Variants in GRM7 observed in about 807,000 individuals in gnomAD.
GRM7 encodes glutamate metabotropic receptor 7.
GRM7 carries 35 observed loss-of-function variants against 84.5 expected under a neutral mutation model. The observed-to-expected ratio is 0.41, with a 90% confidence interval of 0.32 to 0.55. The LOEUF is 0.55. Ranked by LOEUF, GRM7 falls within the 20% of genes least tolerant of loss-of-function variation. GRM7 has a pLI of 0.19. For missense variants in GRM7, 1,003 were observed against 1,194.6 expected (o/e 0.84, Z 2.36); for synonymous variants, 487 against 455.1 (o/e 1.07, Z -0.89).
chr3:7,468,011 A>G (rs1042154021), intron 7 of GRM7, among the ~76,000 whole-genome samples: 1 of 152,210 alleles, frequency 6.6e-6, no homozygotes, highest in Non-Finnish European at 1.5e-5. Context: ...CACCTAAGAC[A>G]TAAGAAAAGC....
chr3:7,565,804 G>T (rs1019943353), intron 7 of GRM7, among the ~76,000 whole-genome samples: 5 of 152,176 alleles, frequency 3.3e-5, no homozygotes, highest in African/African-American at 1.2e-4. Context: ...GCTGAAGAGG[G>T]TTTGGTAGCA....
intron 4 of GRM7, among the ~76,000 whole-genome samples, chr3:7,320,127 A>T (rs572997689): frequency 6.6e-6 from 1 of 151,968 alleles, no homozygotes; most frequent in Non-Finnish European, 1.5e-5. Context: ...AGAATTATGT[A>T]TGCATGGAAA....
At chr3:7,261,566 T>C (rs1698423030) in intron 2 of GRM7, among the ~76,000 whole-genome samples, 1 of 152,198 alleles carries the variant, frequency 6.6e-6, no homozygotes, top group South Asian at 2.1e-4. Context: ...CTGCGTGTCT[T>C]TTAATTGGGG....
intron 1 of GRM7, among the ~76,000 whole-genome samples, chr3:7,042,501 G>T (rs966365752): frequency 1.3e-5 from 2 of 149,708 alleles, no homozygotes; most frequent in African/African-American, 4.8e-5. Context: ...CACTCATTCT[G>T]TTTGCTTGTT....
intron 1 of GRM7, among the ~76,000 whole-genome samples, chr3:7,089,037 C>T (rs1347037284): frequency 6.6e-6 from 1 of 152,088 alleles, no homozygotes; most frequent in Non-Finnish European, 1.5e-5. Context: ...CAAACAGCAA[C>T]AACAAAAGGT....
intron 5 of GRM7, among the ~76,000 whole-genome samples, chr3:7,435,851 CT>C (rs34860272): frequency 0.077 from 6,877 of 89,448 alleles, 119 homozygotes; most frequent in South Asian, 0.16. Flanking sequence ...CCACACCCAT[CT>C]TTTTTTTTTT....
rs147973289 is a variant in GRM7 at position 6,960,217 on chromosome 3, C to T, written c.519+98310C>T. Among the ~76,000 whole-genome samples, 221 of 152,268 alleles carry T rather than the reference C, an allele frequency of 1.5e-3. 2 individuals are homozygous for T. Among genetic ancestry groups the T allele is most frequent in the African/African-American group, 5.1e-3 (211 of 41,556 alleles). On this transcript the variant is annotated intron_variant, in intron 1 of 9. Transcript: ENST00000357716. The stretch of plus-strand genomic sequence containing the variant: ...CCCCAATCCATTCCCCTGCTCTTCC[C>T]GACCTCTTTCCAGTGTGCCTTCTTC...
intron 4 of GRM7, among the ~76,000 whole-genome samples, chr3:7,332,247 A>C (rs1033513948): frequency 6.6e-6 from 1 of 152,188 alleles, no homozygotes; most frequent in East Asian, 1.9e-4. Context: ...ATTATCTAAT[A>C]TGATTCTCCC....
At chr3:6,973,799 T>A (rs1325921354) in intron 1 of GRM7, among the ~76,000 whole-genome samples, 1 of 152,130 alleles carries the variant, frequency 6.6e-6, no homozygotes, top group Non-Finnish European at 1.5e-5. Flanking sequence ...TGAAAGGAGA[T>A]GGAGTCAGAG....
At chr3:7,737,952 A>T (rs1451304929) in intron 9 of GRM7, among the ~76,000 whole-genome samples, 3 of 150,420 alleles carry the variant, frequency 2.0e-5, no homozygotes, top group African/African-American at 4.9e-5. Context: ...GGTTCAAGTG[A>T]TTCTCCTGCC....
intron 9 of GRM7, among the ~76,000 whole-genome samples, chr3:7,724,324 G>C (rs1702049256): frequency 6.6e-6 from 1 of 152,118 alleles, no homozygotes; most frequent in South Asian, 2.1e-4. Flanking sequence ...CCGATTTCTA[G>C]TGTACTCTTT....
intron 1 of GRM7, among the ~76,000 whole-genome samples, chr3:6,948,156 A>G (rs1698162918): frequency 7.0e-6 from 1 of 143,098 alleles, no homozygotes; most frequent in African/African-American, 2.6e-5. Flanking sequence ...TTAGGGTGTC[A>G]ATTTTAGATC....
chr3:7,035,371 CG>C (rs1441664939), intron 1 of GRM7, among the ~76,000 whole-genome samples: 1 of 151,706 alleles, frequency 6.6e-6, no homozygotes, highest in Non-Finnish European at 1.5e-5. Flanking sequence ...AATATGGTCA[CG>C]TGAGAGTAGG....
At chr3:7,310,122 C>T (rs1294754550) in intron 4 of GRM7, among the ~76,000 whole-genome samples, 3 of 152,184 alleles carry the variant, frequency 2.0e-5, no homozygotes, top group Non-Finnish European at 2.9e-5. Context: ...CTGTCCTAGG[C>T]ATCCTCTAAT....
intron 2 of GRM7, among the ~76,000 whole-genome samples, chr3:7,200,319 C>A (rs1696022270): frequency 6.6e-6 from 1 of 152,098 alleles, no homozygotes. Flanking sequence ...AATCATAGCA[C>A]CTTTAAAGAA....
chr3:7,384,582 C>T (rs1271456224), intron 4 of GRM7, among the ~76,000 whole-genome samples: 5 of 152,170 alleles, frequency 3.3e-5, no homozygotes, highest in African/African-American at 1.2e-4. Context: ...ATCATCTCAA[C>T]ATATAATCAA....
intron 5 of GRM7, among the ~76,000 whole-genome samples, chr3:7,430,683 C>T (rs547560482): frequency 1.1e-4 from 17 of 152,154 alleles, no homozygotes; most frequent in South Asian, 4.2e-4. Flanking sequence ...TCATAATAGC[C>T]CAGTTGGGGG....
chr3:6,961,390 C>T (rs141836804), intron 1 of GRM7, among the ~76,000 whole-genome samples: 1 of 152,266 alleles, frequency 6.6e-6, no homozygotes, highest in African/African-American at 2.4e-5. Flanking sequence ...GCCTCTTCTC[C>T]ATTTGTTGAC....
At chr3:7,633,266 A>C (rs543452393) in intron 8 of GRM7, among the ~76,000 whole-genome samples, 1 of 152,362 alleles carries the variant, frequency 6.6e-6, no homozygotes, top group South Asian at 2.1e-4. Flanking sequence ...GGAACTAGTC[A>C]TGATACTAAC....
Sources: allele counts gnomAD v4.1 joint callset (sites outside exome capture counted in the v4.1 genomes callset), GRCh38; gene constraint gnomAD v4.1.1; transcripts MANE v1.5; gene names NCBI Gene and HGNC (gene_info 2026-07-23, HGNC 2026-07-21).